The following VWA8 variants were observed in gnomAD, a reference collection of about 807,000 sequenced individuals.
VWA8 encodes von Willebrand factor A domain-containing protein 8.
A neutral mutation model predicts 241.5 loss-of-function variants in VWA8; 221 were observed. The ratio of observed to expected loss-of-function variants is 0.91; its 90% CI spans 0.82 to 1.02. The LOEUF (loss-of-function observed/expected upper bound fraction) is 1.02. VWA8 is among the 50% of genes least tolerant of loss of function. VWA8 has a pLI of 0.00. For missense variants in VWA8, 2,322 were observed against 2,328.7 expected, an observed-to-expected ratio of 1.00 and a Z score of 0.06; for synonymous variants, 852 against 827.1, an observed-to-expected ratio of 1.03 and a Z score of -0.52.
At chr13:41,868,091 C>G (rs192837657) in intron 10 of VWA8, among the ~76,000 whole-genome samples, 2 of 152,286 alleles carry the variant, frequency 1.3e-5, no homozygotes, top group East Asian at 3.9e-4. Context: ...GCACAAAATG[C>G]TGTCAGTAAT....
chr13:41,858,915 T>TA (rs1872880440), intron 12 of VWA8, among the ~76,000 whole-genome samples: 1 of 151,858 alleles, frequency 6.6e-6, no homozygotes, highest in African/African-American at 2.4e-5. Flanking sequence ...CAGACTCATA[T>TA]AAAAAATCAG....
intron 37 of VWA8, among the ~76,000 whole-genome samples, chr13:41,652,787 T>C (rs2044877681): frequency 6.6e-6 from 1 of 152,206 alleles, no homozygotes. Context: ...TTTCATTTGA[T>C]AGCCAAAAGA....
intron 2 of VWA8, among the ~76,000 whole-genome samples, chr13:41,932,935 A>T (rs1248738567): frequency 6.6e-6 from 1 of 152,048 alleles, no homozygotes; most frequent in African/African-American, 2.4e-5. Flanking sequence ...TCTATTCAAC[A>T]TATTTTAATG....
At chr13:41,957,816 A>T (rs1291677506) in intron 1 of VWA8, among the ~76,000 whole-genome samples, 1 of 152,176 alleles carries the variant, frequency 6.6e-6, no homozygotes, top group African/African-American at 2.4e-5. Context: ...ATAAAGAAAA[A>T]ACTGTGAATC....
intron 42 of VWA8, among the ~76,000 whole-genome samples, chr13:41,583,665 A>C (rs1015895867): frequency 2.0e-5 from 3 of 151,148 alleles, no homozygotes; most frequent in African/African-American, 7.3e-5. Flanking sequence ...AAAAAAAACA[A>C]ACAAAAAAAG....
At chr13:41,585,902 A>T (rs898757339) in intron 42 of VWA8, among the ~76,000 whole-genome samples, 3 of 151,046 alleles carry the variant, frequency 2.0e-5, no homozygotes, top group South Asian at 4.2e-4. Flanking sequence ...GAAAAAAAAA[A>T]CCTCCATATA....
chr13:41,657,954 G>T (rs889120118), intron 37 of VWA8, among the ~76,000 whole-genome samples: 1 of 152,208 alleles, frequency 6.6e-6, no homozygotes, highest in East Asian at 1.9e-4. Flanking sequence ...CACAGACACT[G>T]GTAACTTGCT....
chr13:41,886,117 A>C, intron 7 of VWA8, 89 bp from the exon 8 acceptor site: 1 of 872,842 alleles, frequency 1.1e-6, no homozygotes, highest in Non-Finnish European at 1.7e-6. Flanking sequence ...CAATTTAATT[A>C]ATCTAAAAAA....
At chr13:41,677,899 C>A (rs1368874888) in intron 35 of VWA8, among the ~76,000 whole-genome samples, 1 of 151,702 alleles carries the variant, frequency 6.6e-6, no homozygotes. Flanking sequence ...TTACAAAAAA[C>A]AAGAAACTTG....
chr13:41,875,490 T>C lies in VWA8; in HGVS notation c.1081-7013A>G, dbSNP rs546968779. The stretch of plus-strand genomic sequence containing the variant: ...TTTGTTCACCATCAAACTTCATTGA[T>C]ACATATGAATTATAATCACTGGGGG... On this transcript the variant is annotated intron_variant, in intron 9 of 44. Transcript: ENST00000379310. 3.3e-5 allele frequency among the ~76,000 whole-genome samples: 5 copies of C among 152,200 alleles called. No individual in the cohort carries two copies. The South Asian group carries it at 1.0e-3, about 32-fold the overall frequency.
At chr13:41,637,515 T>C (rs2044767018) in intron 37 of VWA8, among the ~76,000 whole-genome samples, 2 of 151,472 alleles carry the variant, frequency 1.3e-5, no homozygotes, top group African/African-American at 4.9e-5. Context: ...TATACATACG[T>C]AACAAACCTG....
Position 41,924,099 on chromosome 13 carries a change from A to G in VWA8, c.242-11931T>C, listed in dbSNP as rs567603590. Among the ~76,000 whole-genome samples, 3 of 152,332 alleles carry G rather than the reference A, an allele frequency of 2.0e-5. No homozygotes were observed. In the East Asian group the frequency reaches 5.8e-4, roughly 29 times the overall value. On this transcript the variant is annotated intron_variant, in intron 2 of 44. Coordinates refer to ENST00000379310, the MANE Select transcript of VWA8 (RefSeq NM_015058.2). ...TACAAATGGCCTAAAAAGGAACTCA[A>G]AAAAACAGTCTTAAGGAAATTCAGC... is the stretch of plus-strand genomic sequence containing the variant.
intron 17 of VWA8, among the ~76,000 whole-genome samples, chr13:41,797,963 G>A (rs1349589585): frequency 6.6e-6 from 1 of 151,904 alleles, no homozygotes; most frequent in Non-Finnish European, 1.5e-5. Flanking sequence ...TTCCACCTAT[G>A]TTGTGCTGAC....
chr13:41,747,208 T>C (rs1202820984), intron 21 of VWA8, among the ~76,000 whole-genome samples: 6 of 152,214 alleles, frequency 3.9e-5, no homozygotes, highest in East Asian at 1.9e-4. Context: ...ATTTTCACAA[T>C]ATTGATTCTT....
chr13:41,882,183 C>T (rs965864244), intron 9 of VWA8, among the ~76,000 whole-genome samples: 8 of 150,496 alleles, frequency 5.3e-5, no homozygotes, highest in Non-Finnish European at 7.4e-5. Flanking sequence ...AGGGCAGAGG[C>T]TCTCCCCACA....
intron 13 of VWA8, among the ~76,000 whole-genome samples, chr13:41,833,040 T>C (rs1015538088): frequency 3.9e-5 from 6 of 152,176 alleles, no homozygotes; most frequent in African/African-American, 1.4e-4. Flanking sequence ...TGACAAATTA[T>C]AGAAACTTCA....
Position 41,689,458 on chromosome 13 carries a change from C to A in VWA8, c.4027G>T (p.Glu1343Ter), listed in dbSNP as rs1342766593. Residue 1343 changes from glutamate (E) to a stop codon, truncating the protein, a stop_gained, in exon 34 of 45, where the codon GAA becomes TAA. Transcript: ENST00000379310. LOFTEE classifies it high-confidence loss of function. Reference protein sequence around the residue: ...HKISSDQLSSEHLSSAVEQKI... With the variant: ...HKISSDQLSS ...TGTTCCACAGCTGAACTTAGATGTT[C>A]AGATGATAGTTGATCACTGGAAATT... is the stretch of plus-strand genomic sequence containing the variant. 2.5e-6 allele frequency: 4 copies of A among 1,611,638 alleles called. No individual in the cohort carries two copies. In the African/African-American group the frequency reaches 4.0e-5, roughly 16 times the overall value.
chr13:41,943,292 A>G (rs990861045), intron 2 of VWA8, among the ~76,000 whole-genome samples: 1 of 152,230 alleles, frequency 6.6e-6, no homozygotes, highest in Non-Finnish European at 1.5e-5. Context: ...ATCACTATAG[A>G]TTCTACAGAT....
intron 35 of VWA8, 28 bp from the exon 36 acceptor site, chr13:41,675,324 G>A (rs750610039): frequency 3.9e-6 from 6 of 1,542,858 alleles, no homozygotes; most frequent in East Asian, 2.3e-5. Context: ...CATGAGCCAA[G>A]TATTAAATTA....
Sources: gnomAD v4.1 joint callset for allele counts (sites outside exome capture counted in the v4.1 genomes callset) on GRCh38, gnomAD v4.1.1 for gene constraint, MANE v1.5 for transcripts, NCBI Gene and HGNC (gene_info 2026-07-23, HGNC 2026-07-21) for gene names.